Variants in CAST observed in about 807,000 individuals in gnomAD.
CAST encodes the protein calpastatin.
Under a neutral mutation model 119.6 loss-of-function variants are expected in CAST, and 76 were observed. The ratio of observed to expected loss-of-function variants is 0.64; its 90% confidence interval spans 0.53 to 0.77. The LOEUF is 0.77. Among genes scored for constraint, CAST ranks in the 30% least tolerant of loss-of-function variants. The pLI, the probability that CAST is intolerant of heterozygous loss-of-function variation, is 0.00. For synonymous variants in CAST, 319 were observed against 331.6 expected, an observed-to-expected ratio of 0.96 and a Z score of 0.41; for missense variants, 953 against 946.5, an observed-to-expected ratio of 1.01 and a Z score of -0.09.
chr5:96,240,735 C>CT, the CAST span, among the ~76,000 whole-genome samples: 28,824 of 102,664 alleles, frequency 0.28, 3,709 homozygotes, highest in South Asian at 0.39. Context: ...AGCTAACTTT[C>CT]TTTTTTTTTT....
intron 1 of CAST, among the ~76,000 whole-genome samples, chr5:96,665,270 G>T (rs1005575987): frequency 2.0e-5 from 3 of 152,204 alleles, no homozygotes; most frequent in East Asian, 1.9e-4. Flanking sequence ...ACAACAAAAA[G>T]CAGGTGAAAT....
At chr5:96,083,032 T>TA in the CAST span, among the ~76,000 whole-genome samples, 1 of 152,196 alleles carries the variant, frequency 6.6e-6, no homozygotes, top group African/African-American at 2.4e-5. Flanking sequence ...CTCCATAGCA[T>TA]AGGGTATTTG....
chr5:96,210,863 G>T, the CAST span, among the ~76,000 whole-genome samples: 2 of 151,696 alleles, frequency 1.3e-5, no homozygotes, highest in Non-Finnish European at 2.9e-5. Context: ...TCGGCATTTT[G>T]TAACTTTCAG....
At chr5:96,127,569 A>G in the CAST span, among the ~76,000 whole-genome samples, 2 of 152,088 alleles carry the variant, frequency 1.3e-5, no homozygotes, top group Non-Finnish European at 2.9e-5. Context: ...AAGTCCAAAT[A>G]TATTTTCTTT....
the CAST span, among the ~76,000 whole-genome samples, chr5:96,338,137 T>A: frequency 6.6e-6 from 1 of 152,192 alleles, no homozygotes; most frequent in African/African-American, 2.4e-5. Flanking sequence ...TGTTAGACCA[T>A]AATCATTAAG....
chr5:96,397,506 G>A, the CAST span: 12 of 1,556,072 alleles, frequency 7.7e-6, no homozygotes, highest in East Asian at 6.7e-5. Flanking sequence ...TGTCCTAATA[G>A]CTCTGATAGT....
At chr5:96,485,921 T>G in the CAST span, among the ~76,000 whole-genome samples, 2 of 152,314 alleles carry the variant, frequency 1.3e-5, no homozygotes, top group East Asian at 3.9e-4. Context: ...GGTTTTCTTT[T>G]GATCTCTTAG....
the CAST span, among the ~76,000 whole-genome samples, chr5:95,963,151 G>A: frequency 6.6e-6 from 1 of 152,178 alleles, no homozygotes; most frequent in Non-Finnish European, 1.5e-5. Flanking sequence ...TAAAAAAACT[G>A]AGACGCTTGT....
the CAST span, among the ~76,000 whole-genome samples, chr5:96,241,505 A>G: frequency 6.6e-6 from 1 of 150,458 alleles, no homozygotes; most frequent in Non-Finnish European, 1.5e-5. Flanking sequence ...GCTATTGTGA[A>G]TAATGCCGCA....
chr5:96,105,446 G>C, the CAST span, among the ~76,000 whole-genome samples: 2 of 152,128 alleles, frequency 1.3e-5, no homozygotes, highest in South Asian at 4.1e-4. Context: ...TTAGCATGAA[G>C]GTTGTTCAAT....
intron 1 of CAST, among the ~76,000 whole-genome samples, chr5:96,617,659 GTGGGTGC>G (rs1747491663): frequency 6.6e-6 from 1 of 151,642 alleles, no homozygotes; most frequent in Non-Finnish European, 1.5e-5. Flanking sequence ...AGGCATGGTG[GTGGGTGC>G]CAGTAGTCCC....
At chr5:96,010,150 A>G in the CAST span, among the ~76,000 whole-genome samples, 5 of 152,044 alleles carry the variant, frequency 3.3e-5, no homozygotes, top group South Asian at 1.0e-3. Context: ...TCATTGGTCT[A>G]TGTGTCTGTT....
chr5:96,694,386 C>A (rs964961513), intron 2 of CAST, among the ~76,000 whole-genome samples: 8 of 152,110 alleles, frequency 5.3e-5, no homozygotes, highest in African/African-American at 1.9e-4. Context: ...GCCTGTAATC[C>A]CAGCACTTTG....
chr5:96,607,306 AC>A (rs749854736), intron 1 of CAST, among the ~76,000 whole-genome samples: 2 of 152,086 alleles, frequency 1.3e-5, no homozygotes, highest in African/African-American at 2.4e-5. Context: ...AAAAAACAGA[AC>A]CACTGTATTA....
At chr5:96,205,076 G>A in the CAST span, among the ~76,000 whole-genome samples, 1 of 151,878 alleles carries the variant, frequency 6.6e-6, no homozygotes, top group Admixed American at 6.6e-5. Context: ...CATCTCTTTT[G>A]TTCATTTTCT....
the CAST span, among the ~76,000 whole-genome samples, chr5:96,354,302 G>T: frequency 6.6e-6 from 1 of 152,060 alleles, no homozygotes; most frequent in African/African-American, 2.4e-5. Context: ...TAAAAATAAA[G>T]TACACATATA....
chr5:96,741,432 C>T, intron 14 of CAST, 62 bp from the exon 15 acceptor site: 1 of 1,469,340 alleles, frequency 6.8e-7, no homozygotes, highest in Non-Finnish European at 9.5e-7. Flanking sequence ...CTTTTTAGTT[C>T]AGGCTATTAC....
chr5:95,986,331 C>A, the CAST span: 1 of 152,202 alleles, frequency 6.6e-6, no homozygotes, highest in South Asian at 2.1e-4. Context: ...CATTTTATAG[C>A]CACACATCAT....
intron 1 of CAST, among the ~76,000 whole-genome samples, chr5:96,634,996 C>T (rs2150202401): frequency 1.3e-5 from 2 of 152,320 alleles, no homozygotes; most frequent in African/African-American, 2.4e-5. Context: ...GACTGTGATA[C>T]AGACTTACAG....
Sources: gnomAD v4.1 joint callset for allele counts (sites outside exome capture counted in the v4.1 genomes callset) on GRCh38, gnomAD v4.1.1 for gene constraint, MANE v1.5 for transcripts, NCBI Gene and HGNC (gene_info 2026-07-23, HGNC 2026-07-21) for gene names.